Variants in MAF observed in about 807,000 individuals in gnomAD.
The protein encoded by MAF is MAF bZIP transcription factor.
A neutral mutation model predicts 22.0 loss-of-function variants in MAF; 10 were observed. The observed-to-expected ratio is 0.45, with a 90% CI of 0.28 to 0.77. The LOEUF (loss-of-function observed/expected upper bound fraction) is 0.77, where lower values mean the gene tolerates loss of function less well. MAF is among the 30% of genes least tolerant of loss of function. The pLI is 0.12. For missense variants in MAF, 544 were observed against 548.4 expected (o/e 0.99, Z 0.08); for synonymous variants, 337 against 255.8 (o/e 1.32, Z -3.03).
chr16:79,356,286 G>A, the MAF span, among the ~76,000 whole-genome samples: 84,281 of 151,516 alleles, frequency 0.56, 23,743 homozygotes, highest in East Asian at 0.77. Context: ...CTAAAACCCA[G>A]TTTTTCTTGC....
the MAF span, among the ~76,000 whole-genome samples, chr16:79,479,465 C>A: frequency 4.6e-5 from 7 of 152,190 alleles, no homozygotes; most frequent in Admixed American, 2.0e-4. Context: ...TCCAGTAGTT[C>A]ATTTCTGTGG....
At chr16:79,486,170 G>A in the MAF span, among the ~76,000 whole-genome samples, 3 of 152,270 alleles carry the variant, frequency 2.0e-5, no homozygotes, top group East Asian at 5.8e-4. Flanking sequence ...CTCTTTTCAT[G>A]TGGGGCTCAT....
At chr16:79,306,196 T>C in the MAF span, among the ~76,000 whole-genome samples, 1 of 152,210 alleles carries the variant, frequency 6.6e-6, no homozygotes, top group African/African-American at 2.4e-5. Flanking sequence ...GGCTATCAGA[T>C]GCAGGACTGC....
At chr16:79,281,981 G>A in the MAF span, among the ~76,000 whole-genome samples, 1 of 152,096 alleles carries the variant, frequency 6.6e-6, no homozygotes, top group African/African-American at 2.4e-5. Flanking sequence ...AATCCAACAG[G>A]AGTCCTGGTG....
the MAF span, among the ~76,000 whole-genome samples, chr16:79,383,750 C>G: frequency 1.3e-5 from 2 of 152,052 alleles, no homozygotes; most frequent in Non-Finnish European, 2.9e-5. Flanking sequence ...TTGATGCTCT[C>G]AAAAGACTTA....
At chr16:79,219,548 CAAAAAAAAAAA>C in the MAF span, among the ~76,000 whole-genome samples, 202 of 64,734 alleles carry the variant, frequency 3.1e-3, no homozygotes, top group Non-Finnish European at 4.5e-3. Context: ...GACTCTGCCT[CAAAAAAAAAAA>C]AAAAAAAAAA....
chr16:79,489,423 G>C, the MAF span, among the ~76,000 whole-genome samples: 1 of 152,172 alleles, frequency 6.6e-6, no homozygotes, highest in African/African-American at 2.4e-5. Flanking sequence ...ATAAGAGTTG[G>C]GGATATAAAG....
At chr16:79,335,026 A>G in the MAF span, among the ~76,000 whole-genome samples, 1 of 151,982 alleles carries the variant, frequency 6.6e-6, no homozygotes, top group African/African-American at 2.4e-5. Context: ...CTCTACTAAA[A>G]ATACAAAAAT....
chr16:79,227,110 G>A, the MAF span, among the ~76,000 whole-genome samples: 1 of 152,076 alleles, frequency 6.6e-6, no homozygotes, highest in Non-Finnish European at 1.5e-5. Flanking sequence ...GGCTAAGGCA[G>A]CAGGATCCTT....
At chr16:79,376,302 T>C in the MAF span, among the ~76,000 whole-genome samples, 1 of 152,146 alleles carries the variant, frequency 6.6e-6, no homozygotes, top group South Asian at 2.1e-4. Flanking sequence ...TAATCTGAAT[T>C]TCTTGAAACT....
chr16:79,595,837 G>C, intron 1 of MAF: 1 of 1,057,780 alleles, frequency 9.5e-7, no homozygotes, highest in Non-Finnish European at 1.1e-6. Flanking sequence ...TGATAACATA[G>C]TTTAAACCAG....
the MAF span, among the ~76,000 whole-genome samples, chr16:79,567,806 C>T: frequency 1.3e-5 from 2 of 152,222 alleles, no homozygotes; most frequent in Non-Finnish European, 2.9e-5. Context: ...ACCTTCTAGT[C>T]CTCAGAAATG....
the MAF span, among the ~76,000 whole-genome samples, chr16:79,333,066 A>G: frequency 6.6e-6 from 1 of 152,180 alleles, no homozygotes; most frequent in Non-Finnish European, 1.5e-5. Context: ...GCCTGAAGAG[A>G]GTCAGCATAA....
At chr16:79,512,524 C>T in the MAF span, among the ~76,000 whole-genome samples, 31 of 152,038 alleles carry the variant, frequency 2.0e-4, no homozygotes, top group African/African-American at 7.2e-4. Flanking sequence ...GGAGAAATGG[C>T]GGCTCCACCT....
the MAF span, among the ~76,000 whole-genome samples, chr16:79,348,595 T>C: frequency 6.6e-6 from 1 of 152,206 alleles, no homozygotes; most frequent in African/African-American, 2.4e-5. Context: ...AATTACTCTT[T>C]GAAGAATTCA....
chr16:79,475,159 A>G, the MAF span, among the ~76,000 whole-genome samples: 1 of 152,094 alleles, frequency 6.6e-6, no homozygotes, highest in Non-Finnish European at 1.5e-5. Context: ...CTCATAATAA[A>G]CACAAACTCG....
At chr16:79,456,407 A>G in the MAF span, among the ~76,000 whole-genome samples, 7 of 152,304 alleles carry the variant, frequency 4.6e-5, no homozygotes, top group South Asian at 1.5e-3. Flanking sequence ...TTGGTAAAGC[A>G]CCTGGCAAGA....
the MAF span, among the ~76,000 whole-genome samples, chr16:79,496,754 A>C: frequency 1.3e-5 from 2 of 152,244 alleles, no homozygotes; most frequent in Non-Finnish European, 2.9e-5. Flanking sequence ...TAAACACACC[A>C]GTGGAAAGAG....
the MAF span, among the ~76,000 whole-genome samples, chr16:79,420,467 T>C: frequency 2.6e-5 from 4 of 152,222 alleles, no homozygotes; most frequent in African/African-American, 9.6e-5. Flanking sequence ...AAGAGTATTT[T>C]TATTTTAGAG....
Sources: gnomAD v4.1 joint callset for allele counts (sites outside exome capture counted in the v4.1 genomes callset) on GRCh38, gnomAD v4.1.1 for gene constraint, MANE v1.5 for transcripts, NCBI Gene and HGNC (gene_info 2026-07-23, HGNC 2026-07-21) for gene names.